Variants in NCKAP5 observed in about 807,000 individuals in gnomAD.
NCKAP5 encodes the protein nck-associated protein 5.
NCKAP5 carries 92 observed loss-of-function variants against 167.0 expected under a neutral mutation model. The observed-to-expected ratio is 0.55, with a 90% CI of 0.47 to 0.66. NCKAP5 has a LOEUF of 0.66. Ranked by LOEUF, NCKAP5 falls within the 30% of genes least tolerant of loss-of-function variation. The pLI is 0.00. For missense variants in NCKAP5, 2,378 were observed against 2,315.0 expected, an observed-to-expected ratio of 1.03 and a Z score of -0.56; for synonymous variants, 891 against 877.4, an observed-to-expected ratio of 1.02 and a Z score of -0.27.
chr2:132,680,727 T>G (rs1685109275), intron 19 of NCKAP5, among the ~76,000 whole-genome samples: 1 of 152,020 alleles, frequency 6.6e-6, no homozygotes, highest in East Asian at 1.9e-4. Flanking sequence ...GGATGTCCCT[T>G]AGTAGGAAGA....
chr2:132,881,457 G>A lies in NCKAP5; in HGVS notation c.580-2541C>T, dbSNP rs555798320. Among the ~76,000 whole-genome samples, 12 of 152,038 alleles carry A rather than the reference G, an allele frequency of 7.9e-5. No homozygotes were observed. The South Asian group carries it at 2.1e-3, about 26-fold the overall frequency. ...CCCAAAGTGCTGGGATTACAGACAT[G>A]AGCCATTGCACCCGGCCTGGAATAG... is the stretch of plus-strand genomic sequence containing the variant. On this transcript the variant is annotated intron_variant, in intron 8 of 19. Coordinates refer to ENST00000409261, the MANE Select transcript of NCKAP5 (RefSeq NM_207363.3).
Position 132,782,319 on chromosome 2 carries a change from C to T in NCKAP5, c.4492G>A (p.Ala1498Thr), listed in dbSNP as rs1296350217. 6.2e-7 allele frequency: 1 copy of T among 1,613,954 alleles called. No homozygotes were observed. Among genetic ancestry groups the T allele is most frequent in the Admixed American group, 1.7e-5 (1 of 60,014 alleles). ...QVQTKPTSVEAKQKPGPSFAS... is the reference protein window; with the variant it reads ...QVQTKPTSVETKQKPGPSFAS... ...AAAGAAGGCCCAGGCTTCTGCTTTG[C>T]TTCCACAGAGGTGGGCTTTGTTTGC... The change falls in exon 14 of 20, where the codon GCA (alanine) becomes ACA (threonine). Residue 1498 changes from alanine to threonine, a missense_variant. By Grantham distance (58) the Ala-to-Thr change is moderately conservative (BLOSUM62 0). Around this residue, in one of 3 missense-constraint regions of NCKAP5, gnomAD observed 1,325 missense variants for 1,274.5 expected, o/e 1.04. Coordinates refer to ENST00000409261, the MANE Select transcript of NCKAP5 (RefSeq NM_207363.3).
At chr2:133,078,752 A>G (rs1375399170) in intron 6 of NCKAP5, among the ~76,000 whole-genome samples, 1 of 152,142 alleles carries the variant, frequency 6.6e-6, no homozygotes, top group African/African-American at 2.4e-5. Context: ...TGTTCACTTC[A>G]GATGGATTTC....
chr2:133,479,697 CA>C (rs1344842431), intron 3 of NCKAP5, among the ~76,000 whole-genome samples: 10 of 152,090 alleles, frequency 6.6e-5, no homozygotes, highest in Admixed American at 2.0e-4. Flanking sequence ...TAGTGAAAAT[CA>C]GTTGTCTTTC....
At chr2:133,374,015 C>T (rs754714791) in intron 3 of NCKAP5, among the ~76,000 whole-genome samples, 1 of 152,150 alleles carries the variant, frequency 6.6e-6, no homozygotes, top group African/African-American at 2.4e-5. Flanking sequence ...TGGGTATTTA[C>T]CCAAAGGAAT....
intron 7 of NCKAP5, among the ~76,000 whole-genome samples, chr2:132,974,645 T>C (rs2076926086): frequency 6.6e-6 from 1 of 152,210 alleles, no homozygotes; most frequent in Non-Finnish European, 1.5e-5. Flanking sequence ...GACATGCATG[T>C]ACAGATCTAT....
intron 11 of NCKAP5, among the ~76,000 whole-genome samples, chr2:132,818,592 G>A (rs1401659280): frequency 6.6e-6 from 1 of 152,236 alleles, no homozygotes; most frequent in Non-Finnish European, 1.5e-5. Context: ...GGAGTGTGAG[G>A]TGGGAGGATC....
intron 5 of NCKAP5, among the ~76,000 whole-genome samples, chr2:133,164,139 A>T (rs1574239158): frequency 6.6e-6 from 1 of 152,226 alleles, no homozygotes; most frequent in South Asian, 2.1e-4. Flanking sequence ...GTACAGGTCC[A>T]TGCTATGCAA....
chr2:133,382,775 T>C (rs896592863), intron 3 of NCKAP5, among the ~76,000 whole-genome samples: 1 of 152,220 alleles, frequency 6.6e-6, no homozygotes, highest in African/African-American at 2.4e-5. Context: ...TGGGGCATTA[T>C]ATGATCAATG....
intron 6 of NCKAP5, among the ~76,000 whole-genome samples, chr2:133,007,587 A>G (rs1009139967): frequency 6.6e-6 from 1 of 152,108 alleles, no homozygotes; most frequent in African/African-American, 2.4e-5. Flanking sequence ...TTATTGACAT[A>G]AAGTCTGGGC....
intron 16 of NCKAP5, among the ~76,000 whole-genome samples, chr2:132,772,984 G>A (rs1017758736): frequency 7.9e-5 from 12 of 152,172 alleles, no homozygotes; most frequent in Admixed American, 3.9e-4. Context: ...CTGTGGGGCC[G>A]TCATATACTG....
At chr2:133,210,991 C>G (rs6750257) in intron 5 of NCKAP5, among the ~76,000 whole-genome samples, 1 of 146,772 alleles carries the variant, frequency 6.8e-6, no homozygotes, top group Admixed American at 6.9e-5. Flanking sequence ...TCCCCCAACC[C>G]TCCCTACCCC....
chr2:133,257,313 C>A (rs2150357863), intron 4 of NCKAP5, among the ~76,000 whole-genome samples: 1 of 152,250 alleles, frequency 6.6e-6, no homozygotes, highest in African/African-American at 2.4e-5. Context: ...GAAAAACATT[C>A]AGAAATATTC....
At chr2:133,526,108 A>G (rs1319149631) in intron 2 of NCKAP5, among the ~76,000 whole-genome samples, 1 of 151,388 alleles carries the variant, frequency 6.6e-6, no homozygotes. Flanking sequence ...GCCCTGTGTT[A>G]GGCCCTGAAG....
At chr2:133,450,433 C>T (rs1217617959) in intron 3 of NCKAP5, among the ~76,000 whole-genome samples, 2 of 152,124 alleles carry the variant, frequency 1.3e-5, no homozygotes, top group African/African-American at 4.8e-5. Context: ...ATTAATGCGG[C>T]CTATGGTAAC....
chr2:132,725,173 G>A (rs1374531031), intron 19 of NCKAP5, among the ~76,000 whole-genome samples: 1 of 152,190 alleles, frequency 6.6e-6, no homozygotes, highest in Non-Finnish European at 1.5e-5. Context: ...CAAAGACAAA[G>A]ATGGTGAGGG....
intron 4 of NCKAP5, among the ~76,000 whole-genome samples, chr2:133,239,874 C>G (rs1280872025): frequency 6.6e-6 from 1 of 152,210 alleles, no homozygotes; most frequent in Non-Finnish European, 1.5e-5. Context: ...ATCTGCTTCT[C>G]TCAGTTTGGT....
chr2:133,013,286 C>A (rs2078223335), intron 6 of NCKAP5, among the ~76,000 whole-genome samples: 1 of 152,214 alleles, frequency 6.6e-6, no homozygotes, highest in African/African-American at 2.4e-5. Flanking sequence ...ACACTCACAG[C>A]AGCTCCACAC....
intron 6 of NCKAP5, among the ~76,000 whole-genome samples, chr2:133,004,108 C>T (rs2077880263): frequency 6.6e-6 from 1 of 152,170 alleles, no homozygotes; most frequent in South Asian, 2.1e-4. Context: ...GTAGAGTTCA[C>T]ACTCATCCAC....
Sources: allele counts gnomAD v4.1 joint callset (sites outside exome capture counted in the v4.1 genomes callset), GRCh38; gene constraint gnomAD v4.1.1; regional missense constraint gnomAD v4.1.1; transcripts MANE v1.5; gene names NCBI Gene and HGNC (gene_info 2026-07-23, HGNC 2026-07-21).